The following DLGAP2 variants were observed in gnomAD, a reference collection of about 807,000 sequenced individuals.
DLGAP2 encodes the protein disks large-associated protein 2.
A neutral mutation model predicts 100.3 loss-of-function variants in DLGAP2; 26 were observed. That is an observed-to-expected ratio of 0.26 (90% CI 0.19 to 0.36). The LOEUF is 0.36. DLGAP2 is among the 10% of genes least tolerant of loss of function. The pLI, the probability that DLGAP2 is intolerant of heterozygous loss-of-function variation, is 1.00. For synonymous variants in DLGAP2, 886 were observed against 630.1 expected, an observed-to-expected ratio of 1.41 and a Z score of -6.08; for missense variants, 1,858 against 1,453.2, an observed-to-expected ratio of 1.28 and a Z score of -4.53.
At chr8:1,424,679 C>T (rs781289951) in intron 3 of DLGAP2, among the ~76,000 whole-genome samples, 8 of 152,146 alleles carry the variant, frequency 5.3e-5, no homozygotes, top group Non-Finnish European at 8.8e-5. Flanking sequence ...ACACACAGCA[C>T]CTGGAGGAGT....
At chr8:850,822 T>C (rs1797170525) in intron 1 of DLGAP2, among the ~76,000 whole-genome samples, 1 of 151,932 alleles carries the variant, frequency 6.6e-6, no homozygotes, top group Non-Finnish European at 1.5e-5. Context: ...AAAATAATAG[T>C]TAAAATTTTT....
intron 2 of DLGAP2, among the ~76,000 whole-genome samples, chr8:980,043 T>C (rs920835341): frequency 2.0e-5 from 3 of 152,118 alleles, no homozygotes; most frequent in African/African-American, 7.2e-5. Context: ...TTGTGGAAGT[T>C]TTGGCTTCAG....
intron 2 of DLGAP2, among the ~76,000 whole-genome samples, chr8:919,053 T>C (rs957154727): frequency 2.0e-5 from 3 of 152,142 alleles, no homozygotes; most frequent in Admixed American, 1.3e-4. Context: ...TGATCCTCCC[T>C]TCTTGGCCTC....
chr8:1,298,008 TGA>T lies in DLGAP2; in HGVS notation c.106+39128_106+39129del. ...GTGGCAGGCGTCAACAGACACCACG[TGA>T]GACAGGGAGGAGAAACGTGGCAGGC... On this transcript the variant is annotated intron_variant, in intron 3 of 14. Coordinates refer to ENST00000637795, the MANE Select transcript of DLGAP2 (RefSeq NM_001346810.2). Among the ~76,000 whole-genome samples the T allele has an allele frequency of 5.9e-4, 17 of 28,598 alleles. 1 individual carries two copies. Among genetic ancestry groups the T allele is most frequent in the African/African-American group, 5.2e-3 (17 of 3,240 alleles). The allele number at this position is 28,598 out of a possible 152,430, so 18.8% of individuals were successfully genotyped here.
At chr8:1,480,179 C>T (rs1329841800) in intron 3 of DLGAP2, among the ~76,000 whole-genome samples, 1 of 152,244 alleles carries the variant, frequency 6.6e-6, no homozygotes, top group Non-Finnish European at 1.5e-5. Context: ...CATCCCCCCT[C>T]CGCCTGCTGA....
At chr8:1,439,989 A>G (rs1358294360) in intron 3 of DLGAP2, among the ~76,000 whole-genome samples, 1 of 152,230 alleles carries the variant, frequency 6.6e-6, no homozygotes, top group East Asian at 1.9e-4. Context: ...GCAAGTCACC[A>G]GAGCCACACT....
intron 1 of DLGAP2, among the ~76,000 whole-genome samples, chr8:855,707 C>T (rs200757061): frequency 6.6e-6 from 1 of 152,108 alleles, no homozygotes; most frequent in Non-Finnish European, 1.5e-5. Flanking sequence ...CCCTACAAAA[C>T]AGGTTGAAGC....
chr8:1,283,681 C>T (rs903063429), intron 3 of DLGAP2, among the ~76,000 whole-genome samples: 1 of 152,220 alleles, frequency 6.6e-6, no homozygotes, highest in Non-Finnish European at 1.5e-5. Context: ...TGTCACCTAA[C>T]AAGCATTTTG....
intron 2 of DLGAP2, among the ~76,000 whole-genome samples, chr8:1,041,420 C>A (rs1232384705): frequency 2.0e-5 from 3 of 152,196 alleles, no homozygotes; most frequent in African/African-American, 7.2e-5. Context: ...GGAGACAGAG[C>A]CTGTTTCAAA....
chr8:1,331,979 G>T (rs1173178067), intron 3 of DLGAP2, among the ~76,000 whole-genome samples: 1 of 152,048 alleles, frequency 6.6e-6, no homozygotes, highest in Non-Finnish European at 1.5e-5. Context: ...CCCCTGAACA[G>T]CCCCAGGGTG....
At chr8:1,516,635 A>ATGAG (rs893503365) in intron 4 of DLGAP2, among the ~76,000 whole-genome samples, 1 of 144,308 alleles carries the variant, frequency 6.9e-6, no homozygotes, top group African/African-American at 2.6e-5. Flanking sequence ...GAAGGAGTGA[A>ATGAG]TGAGTGAGTG....
At chr8:1,633,920 A>C (rs1356101874) in intron 8 of DLGAP2, among the ~76,000 whole-genome samples, 2 of 152,250 alleles carry the variant, frequency 1.3e-5, no homozygotes, top group East Asian at 3.8e-4. Flanking sequence ...GGAGAGAAGC[A>C]AAGAGAAATT....
At chr8:1,337,018 G>T (rs1801290161) in intron 3 of DLGAP2, among the ~76,000 whole-genome samples, 1 of 152,190 alleles carries the variant, frequency 6.6e-6, no homozygotes, top group Admixed American at 6.5e-5. Flanking sequence ...TGAGTCTCTA[G>T]AATAGTCATT....
chr8:966,239 C>T (rs1176143373), intron 2 of DLGAP2, among the ~76,000 whole-genome samples: 1 of 152,134 alleles, frequency 6.6e-6, no homozygotes, highest in Non-Finnish European at 1.5e-5. Flanking sequence ...CAGCGTTTTC[C>T]CAGGAAGTGT....
rs1355000211 is a variant in DLGAP2, at chr8:1,701,523, G to A, written c.*117G>A. On this transcript the variant is annotated 3_prime_UTR_variant, in exon 15 of 15. Transcript: ENST00000637795. ...CCGCTGAACACGTCCTCGCTCCCGC[G>A]CTCCCCGCGCCCCGGACACAGCGGG... is the stretch of plus-strand genomic sequence containing the variant. The A allele has an allele frequency of 7.9e-6, 9 of 1,142,956 alleles. No homozygotes were observed. The highest frequency in any genetic ancestry group is 2.6e-5 in the East Asian group (1 of 38,084). The allele number at this position is 1,142,956 out of a possible 1,614,324, so 70.8% of individuals were successfully genotyped here.
intron 4 of DLGAP2, among the ~76,000 whole-genome samples, chr8:1,547,942 C>A (rs1224323178): frequency 6.6e-6 from 1 of 152,114 alleles, no homozygotes; most frequent in Non-Finnish European, 1.5e-5. Flanking sequence ...ACAATATCAC[C>A]CATCAAGTAC....
chr8:1,685,759 G>T (rs550200318), intron 12 of DLGAP2, among the ~76,000 whole-genome samples: 1 of 151,842 alleles, frequency 6.6e-6, no homozygotes, highest in Non-Finnish European at 1.5e-5. Flanking sequence ...TCAAAAATGG[G>T]CAAAAGACCT....
chr8:780,748 G>C (rs943578379), intron 1 of DLGAP2, among the ~76,000 whole-genome samples: 1 of 152,186 alleles, frequency 6.6e-6, no homozygotes, highest in Non-Finnish European at 1.5e-5. Context: ...AACCAGAGTC[G>C]CCGTGTCTGG....
chr8:1,478,891 C>A (rs368487479), intron 3 of DLGAP2, among the ~76,000 whole-genome samples: 1 of 152,202 alleles, frequency 6.6e-6, no homozygotes, highest in African/African-American at 2.4e-5. Flanking sequence ...GAATGAGTCA[C>A]GAAGCTGGAG....
Sources: allele counts gnomAD v4.1 joint callset (sites outside exome capture counted in the v4.1 genomes callset), GRCh38; gene constraint gnomAD v4.1.1; transcripts MANE v1.5; gene names NCBI Gene and HGNC (gene_info 2026-07-23, HGNC 2026-07-21).